The following HMGCLL1 variants were observed in gnomAD, a reference collection of about 807,000 sequenced individuals.
HMGCLL1 encodes 3-hydroxymethyl-3-methylglutaryl-CoA lyase, cytoplasmic.
Under a neutral mutation model 39.1 loss-of-function variants are expected in HMGCLL1, and 36 were observed. That is an observed-to-expected ratio of 0.92 (90% CI 0.71 to 1.22). HMGCLL1 has a LOEUF of 1.22. Ranked by LOEUF, HMGCLL1 falls within the 50% of genes most tolerant of loss-of-function variation. The probability of loss-of-function intolerance (pLI) is 0.00; values close to 1 mark genes in which losing one functional copy is unlikely to be tolerated. For synonymous variants in HMGCLL1, 149 were observed against 144.0 expected (o/e 1.03, Z -0.25); for missense variants, 451 against 416.5 (o/e 1.08, Z -0.72).
chr6:55,610,632 C>T, the HMGCLL1 span, among the ~76,000 whole-genome samples: 1 of 152,254 alleles, frequency 6.6e-6, no homozygotes, highest in Non-Finnish European at 1.5e-5. Context: ...TTCAGGAGAA[C>T]TTCCCCAACC....
chr6:55,657,113 G>A, the HMGCLL1 span, among the ~76,000 whole-genome samples: 3 of 151,840 alleles, frequency 2.0e-5, no homozygotes, highest in African/African-American at 4.8e-5. Context: ...TTTGTCAGAT[G>A]CATAGTTTGC....
At chr6:55,561,882 C>G (rs1161175289) in intron 1 of HMGCLL1, among the ~76,000 whole-genome samples, 1 of 151,960 alleles carries the variant, frequency 6.6e-6, no homozygotes, top group Non-Finnish European at 1.5e-5. Context: ...TTGGACCATT[C>G]CAGGTAGGTC....
At chr6:55,506,189 T>C (rs1767153229) in intron 5 of HMGCLL1, among the ~76,000 whole-genome samples, 1 of 151,710 alleles carries the variant, frequency 6.6e-6, no homozygotes, top group Non-Finnish European at 1.5e-5. Context: ...AAGCCAGACA[T>C]AGAGACTGGT....
chr6:55,489,419 A>G (rs1766202786), intron 7 of HMGCLL1, among the ~76,000 whole-genome samples: 1 of 152,068 alleles, frequency 6.6e-6, no homozygotes, highest in African/African-American at 2.4e-5. Context: ...GGGAAGAATC[A>G]TATCATTTTC....
chr6:55,499,189 T>C (rs1766739993), intron 6 of HMGCLL1, 47 bp downstream of exon 6: 2 of 1,421,290 alleles, frequency 1.4e-6, no homozygotes, highest in South Asian at 1.2e-5. Flanking sequence ...TTAAAAATAA[T>C]ATATATCATG....
At chr6:55,470,409 T>A (rs1054980213) in intron 7 of HMGCLL1, among the ~76,000 whole-genome samples, 1 of 151,886 alleles carries the variant, frequency 6.6e-6, no homozygotes, top group Non-Finnish European at 1.5e-5. Flanking sequence ...AGATATCAGA[T>A]GGACACTTTC....
At chr6:55,610,504 G>A in the HMGCLL1 span, among the ~76,000 whole-genome samples, 1 of 152,012 alleles carries the variant, frequency 6.6e-6, no homozygotes, top group South Asian at 2.1e-4. Flanking sequence ...GAAAAGGAAT[G>A]AACAAAGCCT....
the HMGCLL1 span, among the ~76,000 whole-genome samples, chr6:55,638,787 A>T: frequency 6.6e-6 from 1 of 152,186 alleles, no homozygotes; most frequent in Non-Finnish European, 1.5e-5. Context: ...AGGTAGCTTT[A>T]AAAAATATAT....
chr6:55,508,313 T>G (rs1008761687), intron 5 of HMGCLL1, among the ~76,000 whole-genome samples: 20 of 151,994 alleles, frequency 1.3e-4, no homozygotes, highest in African/African-American at 4.8e-4. Context: ...GCTCTGAGAT[T>G]GACTCATTTC....
chr6:55,604,252 C>A, the HMGCLL1 span, among the ~76,000 whole-genome samples: 1 of 152,086 alleles, frequency 6.6e-6, no homozygotes, highest in Non-Finnish European at 1.5e-5. Context: ...TAAGTCAATT[C>A]ATCAGAAAAC....
At chr6:55,576,727 C>G (rs926727262) in intron 1 of HMGCLL1, among the ~76,000 whole-genome samples, 1 of 151,980 alleles carries the variant, frequency 6.6e-6, no homozygotes, top group African/African-American at 2.4e-5. Context: ...CTCAGTGATA[C>G]TTTGGGTGTG....
chr6:55,553,776 AT>A (rs1770497204), intron 1 of HMGCLL1, among the ~76,000 whole-genome samples: 1 of 152,302 alleles, frequency 6.6e-6, no homozygotes, highest in African/African-American at 2.4e-5. Context: ...TCCATTTATC[AT>A]TTTAAAATAT....
At chr6:55,439,662 C>T (rs1425058094) in intron 7 of HMGCLL1, 103 bp from the exon 8 acceptor site, 2 of 1,261,684 alleles carry the variant, frequency 1.6e-6, no homozygotes, top group African/African-American at 1.5e-5. Flanking sequence ...AAAATCTGAA[C>T]TGGTTATTCA....
At chr6:55,619,747 G>A in the HMGCLL1 span, among the ~76,000 whole-genome samples, 8 of 151,842 alleles carry the variant, frequency 5.3e-5, no homozygotes, top group Non-Finnish European at 7.4e-5. Context: ...ATAAATTATT[G>A]TTATCTCCAG....
chr6:55,628,055 T>TA, the HMGCLL1 span, among the ~76,000 whole-genome samples: 2 of 1,182 alleles, frequency 1.7e-3, no homozygotes, highest in Non-Finnish European at 2.3e-3. Flanking sequence ...ATATATAGTA[T>TA]AATATATATA....
intron 1 of HMGCLL1, among the ~76,000 whole-genome samples, chr6:55,575,428 A>G (rs547304013): frequency 1.3e-5 from 2 of 152,268 alleles, no homozygotes; most frequent in East Asian, 3.9e-4. Context: ...CTAATAATTC[A>G]TCAGGGATAT....
At chr6:55,515,361 T>C (rs2127437186) in intron 4 of HMGCLL1, among the ~76,000 whole-genome samples, 1 of 152,190 alleles carries the variant, frequency 6.6e-6, no homozygotes, top group African/African-American at 2.4e-5. Flanking sequence ...CAAAATAAAT[T>C]TTCAATTTCT....
chr6:55,443,448 G>A (rs1763689642), intron 7 of HMGCLL1, among the ~76,000 whole-genome samples: 1 of 152,160 alleles, frequency 6.6e-6, no homozygotes, highest in South Asian at 2.1e-4. Flanking sequence ...AGGAGTCCCA[G>A]AAGGGAAACT....
chr6:55,512,337 A>G (rs1341127344), intron 5 of HMGCLL1: 1 of 152,106 alleles, frequency 6.6e-6, no homozygotes, highest in African/African-American at 2.4e-5. Flanking sequence ...TAGGGTCTTC[A>G]TCTTTCTCTT....
Sources: gnomAD v4.1 joint callset for allele counts (sites outside exome capture counted in the v4.1 genomes callset) on GRCh38, gnomAD v4.1.1 for gene constraint, MANE v1.5 for transcripts, NCBI Gene and HGNC (gene_info 2026-07-23, HGNC 2026-07-21) for gene names.